Variants in ANKRD36 observed in about 807,000 individuals in gnomAD.
The protein encoded by ANKRD36 is ankyrin repeat domain 36, also known as ankyrin repeat domain-containing protein 36A.
ANKRD36 carries 179 observed loss-of-function variants against 278.1 expected under a neutral mutation model. The ratio of observed to expected loss-of-function variants is 0.64; its 90% CI spans 0.57 to 0.73. The LOEUF (loss-of-function observed/expected upper bound fraction) is 0.73, where lower values mean the gene tolerates loss of function less well. Among genes scored for constraint, ANKRD36 ranks in the 30% least tolerant of loss-of-function variants. The pLI is 0.00. For synonymous variants in ANKRD36, 320 were observed against 641.1 expected (o/e 0.50, Z 7.57); for missense variants, 1,159 against 1,956.7 (o/e 0.59, Z 7.69).
At chr2:97,147,171 A>G (rs1001439240) in intron 11 of ANKRD36, among the ~76,000 whole-genome samples, 2 of 151,904 alleles carry the variant, frequency 1.3e-5, no homozygotes, top group Non-Finnish European at 2.9e-5. Flanking sequence ...TATTAAAATG[A>G]TATTTCTAAT....
At chr2:97,185,238 A>C in intron 28 of ANKRD36, 78 bp from the exon 29 acceptor site, 1 of 1,547,356 alleles carries the variant, frequency 6.5e-7, no homozygotes, top group South Asian at 1.1e-5. Flanking sequence ...ATACAGCTTG[A>C]TGCTAACACT....
Position 97,144,670 on chromosome 2 carries a change from A to G in ANKRD36, c.961A>G (p.Asn321Asp). 6.5e-7 allele frequency: 1 copy of G among 1,543,812 alleles called. No homozygotes were observed. Residue 321 changes from asparagine (N) to aspartate (D), a missense_variant, in exon 10 of 76, where the codon AAC becomes GAC. Coordinates refer to ENST00000420699, the MANE Select transcript of ANKRD36 (RefSeq NM_001354587.1). ...AAGTGACAAGGATGATTCTGTTTCG[A>G]ACACAGCCACAGAAATAAAAGATGA... Reference protein sequence around the residue: ...DTSDKDDSVSNTATEIKDEQK... With the variant: ...DTSDKDDSVSDTATEIKDEQK...
Position 97,211,581 on chromosome 2 carries a change from A to C in ANKRD36, c.3396+7A>C. ...GAAACAACCAGCATTGAAGGTAATT[A>C]AGCTCTCATTTATATTTTGAACTAT... On this transcript the variant is annotated splice_region_variant and intron_variant, in intron 57 of 75. Transcript: ENST00000420699. The C allele has an allele frequency of 6.2e-7, 1 of 1,606,980 alleles. No individual in the cohort carries two copies. The highest frequency in any genetic ancestry group is 1.1e-5 in the South Asian group (1 of 90,604).
intron 67 of ANKRD36, among the ~76,000 whole-genome samples, chr2:97,227,812 C>G (rs1164426869): frequency 5.3e-5 from 8 of 152,098 alleles, no homozygotes; most frequent in Non-Finnish European, 2.9e-5. Flanking sequence ...TACGTCCCAT[C>G]AATACCTAAT....
chr2:97,175,547 C>G lies in ANKRD36; in HGVS notation c.1634-4191C>G, dbSNP rs567379091. Among the ~76,000 whole-genome samples, 40 of 151,924 alleles carry G rather than the reference C, an allele frequency of 2.6e-4. 1 individual carries two copies. The East Asian group carries it at 3.9e-3, about 15-fold the overall frequency. On this transcript the variant is annotated intron_variant, in intron 22 of 75. Coordinates refer to ENST00000420699, the MANE Select transcript of ANKRD36 (RefSeq NM_001354587.1). ...TTTATTAGTCTTGCTAGTGGTCTCT[C>G]AATTTTGTTGATCCTTTCAAAAAAC...
intron 31 of ANKRD36, 36 bp from the exon 32 acceptor site, chr2:97,187,293 T>A: frequency 1.3e-6 from 2 of 1,595,220 alleles, no homozygotes. Flanking sequence ...CTTCATTGAT[T>A]TATTTATTTA....
chr2:97,226,407 G>T (rs1342560956), intron 67 of ANKRD36, among the ~76,000 whole-genome samples: 1 of 151,158 alleles, frequency 6.6e-6, no homozygotes, highest in Non-Finnish European at 1.5e-5. Context: ...GTGTTTTTTG[G>T]CTGCATAAAT....
chr2:97,130,012 T>A (rs1444477972), intron 6 of ANKRD36, among the ~76,000 whole-genome samples: 1 of 152,050 alleles, frequency 6.6e-6, no homozygotes, highest in Non-Finnish European at 1.5e-5. Context: ...GTGAAGAAAG[T>A]CATTGTTAGC....
chr2:97,171,608 G>T (rs1308080222), intron 22 of ANKRD36, among the ~76,000 whole-genome samples: 1 of 138,184 alleles, frequency 7.2e-6, no homozygotes, highest in African/African-American at 2.7e-5. Flanking sequence ...GCTAGATGAC[G>T]AGTTAGTGGG....
At chr2:97,204,535 A>C (rs1286845749) in intron 50 of ANKRD36, among the ~76,000 whole-genome samples, 3 of 151,266 alleles carry the variant, frequency 2.0e-5, no homozygotes, top group Non-Finnish European at 4.4e-5. Context: ...GAACAACATA[A>C]TTTTGCTTTA....
chr2:97,194,584 G>C, intron 38 of ANKRD36, 142 bp from the exon 39 acceptor site: 1 of 1,477,806 alleles, frequency 6.8e-7, no homozygotes, highest in Admixed American at 1.9e-5. Context: ...ACATGTTCTG[G>C]TCCCCAGACA....
At chr2:97,170,243 AC>A (rs2052025623) in intron 22 of ANKRD36, among the ~76,000 whole-genome samples, 1 of 151,334 alleles carries the variant, frequency 6.6e-6, no homozygotes, top group African/African-American at 2.4e-5. Context: ...CTGAAACTGG[AC>A]CCCTTCCTTA....
intron 5 of ANKRD36, among the ~76,000 whole-genome samples, 182 bp downstream of exon 5, chr2:97,124,779 A>G (rs1430776231): frequency 2.0e-5 from 3 of 152,104 alleles, no homozygotes; most frequent in African/African-American, 7.2e-5. Flanking sequence ...ATCAAGCAAA[A>G]GAAATCAAGA....
intron 67 of ANKRD36, among the ~76,000 whole-genome samples, chr2:97,231,856 TAG>T (rs1381417731): frequency 6.6e-6 from 1 of 152,102 alleles, no homozygotes; most frequent in Non-Finnish European, 1.5e-5. Context: ...GCCTAATCAT[TAG>T]TTAGTAATAT....
chr2:97,198,580 A>G lies in ANKRD36; in HGVS notation c.2683-6A>G, dbSNP rs572599007. ...AATTTATTATTTCATTTCAAATTCCATTCAGGCTTCAAGTGCCGAGAAAGA... is the reference window on the plus strand; with the variant it reads ...AATTTATTATTTCATTTCAAATTCCGTTCAGGCTTCAAGTGCCGAGAAAGA... On this transcript the variant is annotated splice_polypyrimidine_tract_variant and splice_region_variant and intron_variant, in intron 43 of 75. Coordinates refer to ENST00000420699, the MANE Select transcript of ANKRD36 (RefSeq NM_001354587.1). 3.2e-6 allele frequency: 5 copies of G among 1,549,648 alleles called. No homozygotes were observed. Among genetic ancestry groups the G allele is most frequent in the Non-Finnish European group, 4.4e-6 (5 of 1,146,756 alleles).
At chr2:97,177,159 T>A (rs945080662) in intron 22 of ANKRD36, among the ~76,000 whole-genome samples, 5 of 151,910 alleles carry the variant, frequency 3.3e-5, no homozygotes, top group African/African-American at 1.2e-4. Context: ...TACAAACCAC[T>A]GCTCAAGGAA....
At position 97,215,668 on chromosome 2, in the gene ANKRD36, C is replaced by G. The variant is rs758227857; in HGVS notation, c.3673+171C>G. 2.0e-6 allele frequency: 3 copies of G among 1,529,252 alleles called. No individual in the cohort carries two copies. In the South Asian group the frequency reaches 3.7e-5, roughly 19 times the overall value. The allele number at this position is 1,529,252 out of a possible 1,614,324, so 94.7% of individuals were successfully genotyped here. ...GACCCTGATGGTGCTGGTCCTTGAC[C>G]ATGATCTGAGTAGTAAGATTGTAGA... On this transcript the variant is annotated intron_variant, in intron 62 of 75. Transcript: ENST00000420699.
In ANKRD36 at chr2:97,113,823, T is replaced by A; in HGVS notation, c.84T>A (p.Ile28=). 1 of 1,613,026 alleles carries A rather than the reference T, an allele frequency of 6.2e-7. No individual in the cohort carries two copies. Among genetic ancestry groups the A allele is most frequent in the Non-Finnish European group, 8.5e-7 (1 of 1,179,980 alleles). ...SDGFAFPQYP[I]KPYHLKRIHR... Reference sequence around the variant, plus strand: ...GCTTCGCATTTCCCCAATACCCCATTAAACCGTATCATCTGAAGAGGATCC... The same window carrying A: ...GCTTCGCATTTCCCCAATACCCCATAAAACCGTATCATCTGAAGAGGATCC... The change falls in exon 1 of 76, where the codon ATT becomes ATA. Residue 28 remains isoleucine, a synonymous_variant. Coordinates refer to ENST00000420699, the MANE Select transcript of ANKRD36 (RefSeq NM_001354587.1).
At chr2:97,143,973 A>G (rs1283857181) in intron 8 of ANKRD36, among the ~76,000 whole-genome samples, 1 of 152,096 alleles carries the variant, frequency 6.6e-6, no homozygotes, top group Non-Finnish European at 1.5e-5. Context: ...GGATTCACCA[A>G]ACATATATTT....
Sources: allele counts gnomAD v4.1 joint callset (sites outside exome capture counted in the v4.1 genomes callset), GRCh38; gene constraint gnomAD v4.1.1; transcripts MANE v1.5; gene names NCBI Gene and HGNC (gene_info 2026-07-23, HGNC 2026-07-21).